Variants in APTX observed in about 807,000 individuals in gnomAD.
The protein encoded by APTX is forkhead-associated domain histidine triad-like protein.
In APTX, 33 loss-of-function variants were observed where a neutral mutation model predicts 42.3. The observed-to-expected ratio is 0.78, with a 90% CI of 0.59 to 1.04. The LOEUF is 1.04. APTX is among the 50% of genes least tolerant of loss of function. The pLI, the probability that APTX is intolerant of heterozygous loss-of-function variation, is 0.00. For missense variants in APTX, 421 were observed against 415.1 expected, an observed-to-expected ratio of 1.01 and a Z score of -0.12; for synonymous variants, 130 against 146.7, an observed-to-expected ratio of 0.89 and a Z score of 0.82.
At chr9:33,004,435 A>C (rs187327590), upstream of APTX, among the ~76,000 whole-genome samples, 34 of 152,362 alleles carry the variant, frequency 2.2e-4, no homozygotes, top group Non-Finnish European at 4.3e-4. Context: ...TTTGTTTTTA[A>C]TGTGAAACAA....
chr9:33,011,895 GCT>G (rs1407653439), intron 1 of APTX, among the ~76,000 whole-genome samples: 1 of 152,110 alleles, frequency 6.6e-6, no homozygotes, highest in Non-Finnish European at 1.5e-5. Flanking sequence ...TTGCATTGCT[GCT>G]CTTTCTCCCA....
At chr9:33,009,263 T>A (rs1235197038) in intron 1 of APTX, among the ~76,000 whole-genome samples, 1 of 151,344 alleles carries the variant, frequency 6.6e-6, no homozygotes, top group Non-Finnish European at 1.5e-5. Flanking sequence ...AAATTTCTTA[T>A]AAACATTAAG....
chr9:33,011,288 ATTT>A (rs755485623), intron 1 of APTX, among the ~76,000 whole-genome samples: 2 of 142,630 alleles, frequency 1.4e-5, no homozygotes, highest in South Asian at 2.2e-4. Flanking sequence ...GGAGCACCAT[ATTT>A]TTTTTTTTTG....
chr9:32,975,403 C>A (rs768372510), intron 6 of APTX, among the ~76,000 whole-genome samples: 3 of 152,052 alleles, frequency 2.0e-5, no homozygotes, highest in Non-Finnish European at 2.9e-5. Context: ...TTCTTAAATT[C>A]ATTCTTTTGA....
intron 6 of APTX, among the ~76,000 whole-genome samples, chr9:32,982,451 A>G (rs1466141682): frequency 6.6e-6 from 1 of 152,236 alleles, no homozygotes; most frequent in African/African-American, 2.4e-5. Flanking sequence ...ATCTACAGTT[A>G]GTATTATGAA....
intron 1 of APTX, among the ~76,000 whole-genome samples, chr9:33,023,523 T>C (rs1381425401): frequency 1.3e-5 from 2 of 152,184 alleles, no homozygotes; most frequent in Admixed American, 1.3e-4. Context: ...GCGCCCGGCC[T>C]GACTTACGTG....
chr9:32,997,038 T>C (rs1277154741), intron 1 of APTX, among the ~76,000 whole-genome samples: 1 of 152,234 alleles, frequency 6.6e-6, no homozygotes, highest in African/African-American at 2.4e-5. Context: ...ACATAGCCAA[T>C]ATGTGCCAGA....
intron 1 of APTX, among the ~76,000 whole-genome samples, chr9:33,010,735 T>G (rs913536911): frequency 1.1e-4 from 17 of 148,604 alleles, no homozygotes; most frequent in Admixed American, 2.7e-4. Context: ...AAAAAAAAAG[T>G]TCCTGCTTTC....
intron 1 of APTX, among the ~76,000 whole-genome samples, chr9:33,019,460 T>A (rs1838184614): frequency 6.6e-6 from 1 of 152,226 alleles, no homozygotes; most frequent in Admixed American, 6.5e-5. Context: ...CTTTCCACTT[T>A]GTGCCGATAA....
rs145726433 is a variant in APTX at position 32,997,664 on chromosome 9, A to C, written c.-5+3903T>G. Reference sequence around the variant, plus strand: ...ACAAAGAAGAAATAGCACAGTACCCATGAAGATGCCATTCAGTGTTGCTGG... The same window carrying C: ...ACAAAGAAGAAATAGCACAGTACCCCTGAAGATGCCATTCAGTGTTGCTGG... On this transcript the variant is annotated intron_variant, in intron 1 of 7. Coordinates refer to ENST00000379817, the MANE Select transcript of APTX (RefSeq NM_001195248.2). 4.2e-3 allele frequency among the ~76,000 whole-genome samples: 645 copies of C among 152,354 alleles called. 3 individuals are homozygous for C. The highest frequency in any genetic ancestry group is 0.015 in the African/African-American group (617 of 41,578).
intron 6 of APTX, chr9:32,979,979 C>T (rs987744421): frequency 1.6e-4 from 25 of 160,972 alleles, no homozygotes; most frequent in Non-Finnish European, 5.5e-5. Flanking sequence ...GCAGCAAGCA[C>T]CTCGCAACAC....
intron 6 of APTX, among the ~76,000 whole-genome samples, chr9:32,976,972 C>G (rs1355612921): frequency 1.3e-5 from 2 of 152,116 alleles, no homozygotes; most frequent in Admixed American, 1.3e-4. Context: ...TGAATATACA[C>G]CATATTTGTT....
chr9:32,989,979 T>C (rs1833178812), intron 1 of APTX, 84 bp from the exon 2 acceptor site: 3 of 1,521,424 alleles, frequency 2.0e-6, no homozygotes, highest in Non-Finnish European at 2.7e-6. Context: ...CCACCACGCA[T>C]GTGATCTACC....
At chr9:32,988,504 C>T (rs890809101) in intron 2 of APTX, among the ~76,000 whole-genome samples, 11 of 152,054 alleles carry the variant, frequency 7.2e-5, no homozygotes, top group Middle Eastern at 3.4e-3. Context: ...CATGGCAATA[C>T]CCCGTCTCTA....
chr9:33,007,104 A>G (rs1268672880), intron 1 of APTX, among the ~76,000 whole-genome samples: 1 of 151,976 alleles, frequency 6.6e-6, no homozygotes, highest in African/African-American at 2.4e-5. Context: ...AAACAAACAC[A>G]TGAAGACTTG....
chr9:32,988,140 T>A lies in APTX; in HGVS notation c.134-11A>T, dbSNP rs375978921. The stretch of plus-strand genomic sequence containing the variant: ...CTGCTTTCAACTGTACTGAAAGAGA[T>A]TGGAAAAAGTTAAACACAAATGCAA... On this transcript the variant is annotated splice_polypyrimidine_tract_variant and intron_variant, in intron 2 of 7. Transcript: ENST00000379817. The A allele has an allele frequency of 6.3e-5, 102 of 1,613,610 alleles. No homozygotes were observed. Among genetic ancestry groups the A allele is most frequent in the Non-Finnish European group, 8.4e-5 (99 of 1,179,626 alleles).
chr9:32,993,998 C>T (rs540972905), intron 1 of APTX, among the ~76,000 whole-genome samples: 81 of 152,286 alleles, frequency 5.3e-4, no homozygotes, highest in Admixed American at 1.1e-3. Context: ...GGATTACAGG[C>T]GTGAGCCACC....
At chr9:33,022,464 CTTAT>C (rs760343315) in intron 1 of APTX, among the ~76,000 whole-genome samples, 11 of 152,350 alleles carry the variant, frequency 7.2e-5, no homozygotes, top group East Asian at 1.9e-4. Flanking sequence ...AGTATGGAAA[CTTAT>C]TTATTACAAT....
chr9:32,981,081 C>A (rs183789737), intron 6 of APTX, among the ~76,000 whole-genome samples: 1 of 152,090 alleles, frequency 6.6e-6, no homozygotes, highest in Non-Finnish European at 1.5e-5. Flanking sequence ...ACTATAGTAA[C>A]CTAGCTTTGG....
Sources: allele counts gnomAD v4.1 joint callset (sites outside exome capture counted in the v4.1 genomes callset), GRCh38; gene constraint gnomAD v4.1.1; transcripts MANE v1.5; gene names NCBI Gene and HGNC (gene_info 2026-07-23, HGNC 2026-07-21).